The following RPS29 variants were observed in gnomAD, a reference collection of about 807,000 sequenced individuals.
RPS29 encodes small ribosomal subunit protein uS14.
For synonymous variants in RPS29, 37 were observed against 26.9 expected (o/e 1.37, Z -1.16); for missense variants, 60 against 75.7 (o/e 0.79, Z 0.77).
intron 1 of RPS29, chr14:49,598,127 G>A: frequency 2.4e-6 from 1 of 408,364 alleles, no homozygotes. Flanking sequence ...CATTACGGAA[G>A]TATAACTCAG....
chr14:49,573,019 G>A (rs1881090689), exon 3 of RPS29: 1 of 151,032 alleles, frequency 6.6e-6, no homozygotes, highest in Admixed American at 6.7e-5. Flanking sequence ...AGTAAGCCAA[G>A]ATCACACGAC....
chr14:49,577,464 C>T (rs1594566876), exon 3 of RPS29: 1 of 441,540 alleles, frequency 2.3e-6, no homozygotes, highest in Non-Finnish European at 4.2e-6. Context: ...CTGCTCTTTC[C>T]AAGATGGCTT....
At chr14:49,596,199 AAGAG>A (rs1881819459) in intron 1 of RPS29, among the ~76,000 whole-genome samples, 1 of 152,358 alleles carries the variant, frequency 6.6e-6, no homozygotes, top group African/African-American at 2.4e-5. Context: ...TATGAACAAA[AAGAG>A]AGAAAAGAAT....
At chr14:49,577,929 ATGCC>A in intron 2 of RPS29, 1 of 1,019,230 alleles carries the variant, frequency 9.8e-7, no homozygotes, top group Non-Finnish European at 1.5e-6. Flanking sequence ...TTTGTACTGC[ATGCC>A]TGCCCTGTGA....
At chr14:49,591,187 A>T (rs1254629589), upstream of RPS29, among the ~76,000 whole-genome samples, 1 of 152,232 alleles carries the variant, frequency 6.6e-6, no homozygotes, top group African/African-American at 2.4e-5. Context: ...ACATGCATAC[A>T]TTAAATATAT....
At chr14:49,578,640 A>T (rs1050787517), downstream of RPS29, among the ~76,000 whole-genome samples, 44 of 132,290 alleles carry the variant, frequency 3.3e-4, no homozygotes, top group African/African-American at 1.2e-3. Context: ...GATTCACTGC[A>T]ACCTCGCTTT....
downstream of RPS29, among the ~76,000 whole-genome samples, chr14:49,582,833 T>C (rs79893995): frequency 4.9e-4 from 75 of 152,338 alleles, no homozygotes; most frequent in African/African-American, 1.7e-3. Flanking sequence ...GCATTACCAA[T>C]GTTAAAGCAA....
downstream of RPS29, among the ~76,000 whole-genome samples, chr14:49,578,660 A>C (rs1881253989): frequency 1.4e-5 from 2 of 139,506 alleles, no homozygotes; most frequent in South Asian, 4.6e-4. Flanking sequence ...TCCCCGGTTC[A>C]AGCGATTCTT....
upstream of RPS29, among the ~76,000 whole-genome samples, chr14:49,590,896 G>A (rs1881696609): frequency 6.6e-6 from 1 of 151,970 alleles, no homozygotes; most frequent in African/African-American, 2.4e-5. Context: ...TTGCCATGTT[G>A]GCCAGGCTGG....
At chr14:49,577,569 G>A in exon 3 of RPS29, 1 of 639,036 alleles carries the variant, frequency 1.6e-6, no homozygotes, top group Non-Finnish European at 2.8e-6. Context: ...TGTGGACCAG[G>A]AACTTCCAGA....
chr14:49,586,358 C>G lies in RPS29; in HGVS notation c.-12G>C. The G allele has an allele frequency of 6.2e-7, 1 of 1,613,528 alleles. No individual in the cohort carries two copies. The highest frequency in any genetic ancestry group is 8.5e-7 in the Non-Finnish European group (1 of 1,179,400). On this transcript the variant is annotated 5_prime_UTR_variant, in exon 1 of 3. Coordinates refer to ENST00000245458, the MANE Select transcript of RPS29 (RefSeq NM_001032.5). ...TGCTGGTGACCCATCTTGCTCTCAG[C>G]AGTGCAACGAGGTAAAAGGAAGAAG... is the stretch of plus-strand genomic sequence containing the variant.
At chr14:49,593,360 G>T (rs1490540216) in intron 1 of RPS29, among the ~76,000 whole-genome samples, 2 of 152,136 alleles carry the variant, frequency 1.3e-5, no homozygotes, top group Non-Finnish European at 2.9e-5. Context: ...GCAATATTTT[G>T]AACAGGATAA....
Position 49,583,662 on chromosome 14 carries a change from A to C in RPS29, c.*5T>G, listed in dbSNP as rs191326825. ...GCCCCGGATAATCCTCTGAAGGAAGAGCATTTAGTCCAACTGAAAAAAAAA... is the reference window on the plus strand; with the variant it reads ...GCCCCGGATAATCCTCTGAAGGAAGCGCATTTAGTCCAACTGAAAAAAAAA... On this transcript the variant is annotated 3_prime_UTR_variant, in exon 3 of 3. Transcript: ENST00000245458. The C allele has an allele frequency of 4.0e-5, 62 of 1,569,134 alleles. No individual in the cohort carries two copies. In the African/African-American group the frequency reaches 7.1e-4, roughly 18 times the overall value.
upstream of RPS29, chr14:49,586,578 C>A (rs1055665845): frequency 1.1e-5 from 6 of 550,692 alleles, no homozygotes; most frequent in South Asian, 8.4e-5. Context: ...CGGTATCCGA[C>A]CGCCGGGCGC....
downstream of RPS29, among the ~76,000 whole-genome samples, chr14:49,583,419 T>A (rs1394221317): frequency 5.3e-5 from 8 of 151,670 alleles, no homozygotes; most frequent in Non-Finnish European, 8.8e-5. Context: ...GTTTGGAGGC[T>A]GAGGCAGGAG....
At position 49,584,057 on chromosome 14, in the gene RPS29, C is replaced by T. The variant is rs558227076; in HGVS notation, c.163-382G>A. Among the ~76,000 whole-genome samples, 221 of 152,326 alleles carry T rather than the reference C, an allele frequency of 1.5e-3. 2 individuals carry two copies. Among genetic ancestry groups the T allele is most frequent in the African/African-American group, 4.6e-3 (190 of 41,564 alleles). Reference sequence around the variant, plus strand: ...AGTGCAATGGAGCCATCTCCACTCACTGCAACCTCAGCCTCCTGGGTTCAA... The same window carrying T: ...AGTGCAATGGAGCCATCTCCACTCATTGCAACCTCAGCCTCCTGGGTTCAA... On this transcript the variant is annotated intron_variant, in intron 2 of 2. Transcript: ENST00000245458.
chr14:49,579,891 G>C (rs908736738), downstream of RPS29, among the ~76,000 whole-genome samples: 1 of 152,148 alleles, frequency 6.6e-6, no homozygotes, highest in African/African-American at 2.4e-5. Context: ...CTTTCTTTGG[G>C]AGACCTTGGG....
chr14:49,597,348 G>T (rs1270846420), intron 1 of RPS29: 1 of 152,172 alleles, frequency 6.6e-6, no homozygotes, highest in African/African-American at 2.4e-5. Flanking sequence ...GTGAGCCACC[G>T]CACCTGGCGG....
exon 3 of RPS29, chr14:49,577,321 TTTTTG>T: frequency 6.2e-6 from 1 of 160,076 alleles, no homozygotes; most frequent in South Asian, 1.8e-4. Flanking sequence ...GGGTCTCTGG[TTTTTG>T]TTGTTTTTGT....
Sources: allele counts gnomAD v4.1 joint callset (sites outside exome capture counted in the v4.1 genomes callset), GRCh38; gene constraint gnomAD v4.1.1; transcripts MANE v1.5; gene names NCBI Gene and HGNC (gene_info 2026-07-23, HGNC 2026-07-21).